INPP4A: variants seen among roughly 807,000 people sequenced by gnomAD.
INPP4A encodes inositol polyphosphate-4-phosphatase, type I, 107kD.
A neutral mutation model predicts 119.8 loss-of-function variants in INPP4A; 33 were observed. The observed-to-expected ratio is 0.28, with a 90% CI of 0.21 to 0.37. The LOEUF (loss-of-function observed/expected upper bound fraction) is 0.37, where lower values mean the gene tolerates loss of function less well. Among genes scored for constraint, INPP4A ranks in the 10% least tolerant of loss-of-function variants. The pLI is 1.00. For synonymous variants in INPP4A, 496 were observed against 500.7 expected, an observed-to-expected ratio of 0.99 and a Z score of 0.12; for missense variants, 956 against 1,289.9, an observed-to-expected ratio of 0.74 and a Z score of 3.97.
rs565346084 is a variant in INPP4A, at chr2:98,470,883, A to G, written c.-166+25798A>G. 1.9e-3 allele frequency among the ~76,000 whole-genome samples: 292 copies of G among 152,078 alleles called. 1 individual carries two copies. The highest frequency in any genetic ancestry group is 3.8e-3 in the Non-Finnish European group (255 of 67,972). ...GGGTTTCACCATGTTAGCCAGGCTG[A>G]TCTCGAACTCCTGACCTGGTGATCC... On this transcript the variant is annotated intron_variant, in intron 1 of 24. Transcript: ENST00000409851.
intron 1 of INPP4A, among the ~76,000 whole-genome samples, chr2:98,514,708 G>A (rs1033268030): frequency 1.3e-5 from 2 of 152,112 alleles, no homozygotes; most frequent in African/African-American, 4.8e-5. Context: ...TTGAAGTCAG[G>A]AGTTTGAGAC....
At chr2:98,506,899 G>T (rs1443574303) in intron 1 of INPP4A, among the ~76,000 whole-genome samples, 1 of 152,210 alleles carries the variant, frequency 6.6e-6, no homozygotes, top group East Asian at 1.9e-4. Flanking sequence ...TTTTCACACA[G>T]CAAGCCCTAA....
At chr2:98,483,736 C>G (rs1339539566) in intron 1 of INPP4A, among the ~76,000 whole-genome samples, 2 of 152,168 alleles carry the variant, frequency 1.3e-5, no homozygotes, top group Non-Finnish European at 2.9e-5. Context: ...CTTCCTGTCC[C>G]TACCCCACCT....
At chr2:98,488,714 G>A (rs988172073) in intron 1 of INPP4A, among the ~76,000 whole-genome samples, 1 of 152,192 alleles carries the variant, frequency 6.6e-6, no homozygotes, top group East Asian at 1.9e-4. Flanking sequence ...TTGGACACAC[G>A]AGAAGCTATG....
At chr2:98,533,066 C>T (rs1162975156) in intron 4 of INPP4A, among the ~76,000 whole-genome samples, 1 of 152,138 alleles carries the variant, frequency 6.6e-6, no homozygotes, top group Non-Finnish European at 1.5e-5. Context: ...TTACCGAGGT[C>T]GGACTTGAAG....
At chr2:98,457,994 T>G (rs983837462) in intron 1 of INPP4A, among the ~76,000 whole-genome samples, 152 of 151,418 alleles carry the variant, frequency 1.0e-3, no homozygotes, top group African/African-American at 3.4e-3. Flanking sequence ...TTTTTTTTTT[T>G]TTTTTGTTTA....
chr2:98,506,324 G>C (rs1024247075), intron 1 of INPP4A, among the ~76,000 whole-genome samples: 3 of 152,210 alleles, frequency 2.0e-5, no homozygotes, highest in African/African-American at 7.2e-5. Context: ...CTGCCTTTAG[G>C]TCCTACTTCT....
intron 23 of INPP4A, 96 bp from the exon 24 acceptor site, chr2:98,576,893 C>A: frequency 6.9e-7 from 1 of 1,441,056 alleles, no homozygotes; most frequent in Non-Finnish European, 9.4e-7. Flanking sequence ...CTGTTCCTGC[C>A]CTTGCTGGGC....
rs186886736 is a variant in INPP4A at position 98,569,281 on chromosome 2, G to C, written c.2518+613G>C. On this transcript the variant is annotated intron_variant, in intron 22 of 24. Coordinates refer to ENST00000409851, the MANE Select transcript of INPP4A (RefSeq NM_001134225.2). This position sits in a 1 kb window ranked among gnomAD's most constrained non-coding sequence, Gnocchi z 5.1. ...AGTGAATATTCCCTGAGGACCTGCT[G>C]TGTGTAAAGTGCTAGAGGATCCGAT... 1 of 152,724 alleles carries C rather than the reference G, an allele frequency of 6.5e-6. No homozygotes were observed. The highest frequency in any genetic ancestry group is 1.9e-4 in the East Asian group (1 of 5,184). The allele number at this position is 152,724 out of a possible 1,614,324, so 9.5% of individuals were successfully genotyped here.
chr2:98,519,420 G>A (rs1340603872), intron 2 of INPP4A: 1 of 152,322 alleles, frequency 6.6e-6, no homozygotes, highest in Non-Finnish European at 1.5e-5. Context: ...TTGCGGGAAG[G>A]AAAGCCTGAG....
At chr2:98,457,854 T>G (rs1696393759) in intron 1 of INPP4A, among the ~76,000 whole-genome samples, 1 of 152,118 alleles carries the variant, frequency 6.6e-6, no homozygotes, top group African/African-American at 2.4e-5. Context: ...CAGGCTATAG[T>G]GTAGTAGACA....
In INPP4A at chr2:98,570,585, G is replaced by T. The variant is rs1338154872; in HGVS notation, c.2518+1917G>T. ...ACTTGAGGGATGGGGCTGTGGGCAG[G>T]TGGGACACACCCTGGAGCTGCAGGG... On this transcript the variant is annotated intron_variant, in intron 22 of 24. Coordinates refer to ENST00000409851, the MANE Select transcript of INPP4A (RefSeq NM_001134225.2). The surrounding 1 kb of genome is among the most constrained non-coding windows in gnomAD (Gnocchi z 4.3). Among the ~76,000 whole-genome samples, 1 of 152,144 alleles carries T rather than the reference G, an allele frequency of 6.6e-6. No homozygotes were observed. Among genetic ancestry groups the T allele is most frequent in the African/African-American group, 2.4e-5 (1 of 41,424 alleles).
intron 13 of INPP4A, among the ~76,000 whole-genome samples, chr2:98,548,135 G>A (rs557598816): frequency 1.3e-5 from 2 of 152,292 alleles, no homozygotes; most frequent in African/African-American, 2.4e-5. Context: ...AGCAGGGAAC[G>A]GAAGAGCGTA....
rs927013861 is a variant in INPP4A at position 98,568,441 on chromosome 2, A to C, written c.2421-130A>C. The C allele has an allele frequency of 4.5e-5, 28 of 623,564 alleles. No individual in the cohort carries two copies. The African/African-American group carries it at 4.8e-4, about 11-fold the overall frequency. 38.6% of individuals were successfully genotyped at this position (623,564 alleles called of 1,614,324 possible). A position where few individuals can be genotyped will look rare whatever the true frequency, so the allele number is the denominator to read the frequency against. ...ATGCCTTTATGCTCGGAAGAGGGAG[A>C]GTGGCTTAGAATTTAGATATGCATA... On this transcript the variant is annotated intron_variant, in intron 21 of 24. Transcript: ENST00000409851.
rs552276268 is a variant in INPP4A at position 98,447,892 on chromosome 2, A to C, written c.-166+2807A>C. Among the ~76,000 whole-genome samples the C allele has an allele frequency of 1.2e-4, 18 of 152,110 alleles. 1 individual carries two copies. Among genetic ancestry groups the C allele is most frequent in the East Asian group, 3.9e-4 (2 of 5,182 alleles). On this transcript the variant is annotated intron_variant, in intron 1 of 24. Transcript: ENST00000409851. ...GAAACCCTATCTCTACTAAAAATAC[A>C]AAAAATTAGCCGGGCTTAGTGGTGG...
rs1227790707 is a variant in INPP4A, at chr2:98,561,042, T to C, written c.1855+1547T>C. Among the ~76,000 whole-genome samples, 5 of 152,200 alleles carry C rather than the reference T, an allele frequency of 3.3e-5. No homozygotes were observed. The East Asian group carries it at 9.6e-4, about 29-fold the overall frequency. On this transcript the variant is annotated intron_variant, in intron 17 of 24. Coordinates refer to ENST00000409851, the MANE Select transcript of INPP4A (RefSeq NM_001134225.2). Reference sequence around the variant, plus strand: ...GTTCTTTTGGCTTTTCCTGGAGAACTGCATTTAATCTGGGCTAAAATATAC... The same window carrying C: ...GTTCTTTTGGCTTTTCCTGGAGAACCGCATTTAATCTGGGCTAAAATATAC...
At chr2:98,514,532 T>C (rs781041080) in intron 1 of INPP4A, among the ~76,000 whole-genome samples, 63 of 152,168 alleles carry the variant, frequency 4.1e-4, no homozygotes, top group Middle Eastern at 6.8e-3. Context: ...CCCTCCCACC[T>C]CTGGGGAGGG....
intron 23 of INPP4A, among the ~76,000 whole-genome samples, chr2:98,574,344 A>G (rs1698041348): frequency 6.6e-6 from 1 of 152,042 alleles, no homozygotes; most frequent in South Asian, 2.1e-4. Context: ...GGACACGAAG[A>G]ATACAGAGGG....
chr2:98,533,535 T>C, intron 5 of INPP4A, 40 bp downstream of exon 5: 1 of 1,197,842 alleles, frequency 8.3e-7, no homozygotes, highest in South Asian at 1.2e-5. Context: ...CTGTGGGACA[T>C]GCTCTAGTGG....
Sources: allele counts gnomAD v4.1 joint callset (sites outside exome capture counted in the v4.1 genomes callset), GRCh38; gene constraint gnomAD v4.1.1; non-coding constraint Gnocchi (gnomAD v3.1); transcripts MANE v1.5; gene names NCBI Gene and HGNC (gene_info 2026-07-23, HGNC 2026-07-21).